PPP1R12B: variants seen among roughly 807,000 people sequenced by gnomAD.
PPP1R12B encodes the protein protein phosphatase 1 regulatory subunit 12B, also known as myosin phosphatase target subunit 2.
In PPP1R12B, 76 loss-of-function variants were observed where a neutral mutation model predicts 126.1. The ratio of observed to expected loss-of-function variants is 0.60; its 90% CI spans 0.50 to 0.73. The LOEUF (loss-of-function observed/expected upper bound fraction) is 0.73, where lower values mean the gene tolerates loss of function less well. Ranked by LOEUF, PPP1R12B falls within the 30% of genes least tolerant of loss-of-function variation. The pLI, the probability that PPP1R12B is intolerant of heterozygous loss-of-function variation, is 0.00. For synonymous variants in PPP1R12B, 356 were observed against 434.7 expected, an observed-to-expected ratio of 0.82 and a Z score of 2.25; for missense variants, 1,052 against 1,205.1, an observed-to-expected ratio of 0.87 and a Z score of 1.88.
chr1:202,584,589 G>A lies in PPP1R12B; in HGVS notation c.*4029G>A, dbSNP rs1689712296. The A allele has an allele frequency of 6.6e-6, 1 of 152,256 alleles. No individual in the cohort carries two copies. Among genetic ancestry groups the A allele is most frequent in the East Asian group, 1.9e-4 (1 of 5,202 alleles). The allele number at this position is 152,256 out of a possible 1,614,324, so 9.4% of individuals were successfully genotyped here. A position where few individuals can be genotyped will look rare whatever the true frequency, so the allele number is the denominator to read the frequency against. On this transcript the variant is annotated 3_prime_UTR_variant, in exon 24 of 24. Coordinates refer to ENST00000608999, the MANE Select transcript of PPP1R12B (RefSeq NM_002481.4). ...CCTCTCCTAGCCACAGACAGACACT[G>A]TCTCCTCTCAGAGAAAGGCCAGTGT... is the stretch of plus-strand genomic sequence containing the variant.
At position 202,434,640 on chromosome 1, in the gene PPP1R12B, T is replaced by C. The variant is rs1417756059; in HGVS notation, c.1142-16T>C. 1.2e-6 allele frequency: 2 copies of C among 1,601,154 alleles called. No individual in the cohort carries two copies. The highest frequency in any genetic ancestry group is 1.7e-6 in the Non-Finnish European group (2 of 1,177,116). ...TTTATACTAGTACTTGTTAATTCTC[T>C]TGTCTTAAATAACAGATAAAAAGCC... On this transcript the variant is annotated splice_polypyrimidine_tract_variant and intron_variant, in intron 8 of 23. Coordinates refer to ENST00000608999, the MANE Select transcript of PPP1R12B (RefSeq NM_002481.4).
At chr1:202,487,462 G>A (rs967961641) in intron 13 of PPP1R12B, among the ~76,000 whole-genome samples, 3 of 152,076 alleles carry the variant, frequency 2.0e-5, no homozygotes, top group Non-Finnish European at 2.9e-5. Flanking sequence ...CCTAGCCAAA[G>A]CATTAAGTCA....
intron 4 of PPP1R12B, 100 bp from the exon 5 acceptor site, chr1:202,426,940 T>C (rs891497821): frequency 4.7e-6 from 7 of 1,493,926 alleles, no homozygotes; most frequent in Non-Finnish European, 6.2e-6. Flanking sequence ...ACCCCTGTGG[T>C]TCAGGGCCAA....
intron 10 of PPP1R12B, chr1:202,438,444 C>T (rs1671131087): frequency 9.1e-6 from 4 of 441,682 alleles, no homozygotes; most frequent in Non-Finnish European, 1.7e-5. Flanking sequence ...CGCCTCCTGC[C>T]AGGGTCCCAC....
intron 18 of PPP1R12B, chr1:202,502,308 C>G: frequency 1.0e-6 from 1 of 985,116 alleles, no homozygotes; most frequent in African/African-American, 1.7e-5. Context: ...TGGTAAAAGT[C>G]TTCTAAAAGA....
rs116397828 is a variant in PPP1R12B at position 202,444,410 on chromosome 1, G to T, written c.1667+1838G>T. Among the ~76,000 whole-genome samples the T allele has an allele frequency of 6.6e-3, 1,011 of 152,222 alleles. 10 individuals carry two copies. The highest frequency in any genetic ancestry group is 0.023 in the African/African-American group (970 of 41,528). On this transcript the variant is annotated intron_variant, in intron 12 of 23. Transcript: ENST00000608999. ...TCTTCAATCAAAACAAATACAAGTT[G>T]CCCTTTATTGCTCATACAGTATTAC...
chr1:202,361,939 CT>C (rs1223479800), intron 1 of PPP1R12B, among the ~76,000 whole-genome samples: 1 of 152,012 alleles, frequency 6.6e-6, no homozygotes, highest in Non-Finnish European at 1.5e-5. Context: ...GATTGGCTGG[CT>C]TTTGTTGTGC....
Position 202,522,044 on chromosome 1 carries a change from A to G in PPP1R12B, c.2490+25222A>G, listed in dbSNP as rs528521248. ...AGTAGATACCAGAAAACTGACTAGT[A>G]TCTTCAAAGTGCTGTAGAAAAATAA... is the stretch of plus-strand genomic sequence containing the variant. On this transcript the variant is annotated intron_variant, in intron 18 of 23. Transcript: ENST00000608999. Among the ~76,000 whole-genome samples, 473 of 152,348 alleles carry G rather than the reference A, an allele frequency of 3.1e-3. 4 individuals are homozygous for G. The highest frequency in any genetic ancestry group is 0.011 in the African/African-American group (453 of 41,594).
At position 202,491,185 on chromosome 1, in the gene PPP1R12B, T is replaced by G. The variant is rs571215307; in HGVS notation, c.1942-1929T>G. Among the ~76,000 whole-genome samples the G allele has an allele frequency of 3.9e-5, 6 of 152,278 alleles. No homozygotes were observed. In the South Asian group the frequency reaches 1.2e-3, roughly 32 times the overall value. ...TGTCACGCAGGCCGGGGTGCAATGG[T>G]GTGATCTTGGCTCACTGCAACTTCT... On this transcript the variant is annotated intron_variant, in intron 14 of 23. Coordinates refer to ENST00000608999, the MANE Select transcript of PPP1R12B (RefSeq NM_002481.4).
At chr1:202,567,651 C>A in intron 21 of PPP1R12B, 127 bp from the exon 22 acceptor site, 2 of 921,522 alleles carry the variant, frequency 2.2e-6, no homozygotes, top group Non-Finnish European at 3.4e-6. Context: ...GGGATCCCTG[C>A]TATAGGGGAA....
intron 19 of PPP1R12B, 23 bp from the exon 20 acceptor site, chr1:202,562,755 A>G: frequency 1.2e-6 from 2 of 1,606,080 alleles, no homozygotes. Flanking sequence ...ACCAATTTTT[A>G]TCTTTAATAT....
chr1:202,360,535 C>G (rs1055144680), intron 1 of PPP1R12B, among the ~76,000 whole-genome samples: 1 of 151,826 alleles, frequency 6.6e-6, no homozygotes, highest in Non-Finnish European at 1.5e-5. Context: ...ATGGTGAAAC[C>G]CTGTTTCTAC....
At chr1:202,489,741 G>A (rs1439921135) in intron 14 of PPP1R12B, among the ~76,000 whole-genome samples, 3 of 152,154 alleles carry the variant, frequency 2.0e-5, no homozygotes, top group Admixed American at 6.5e-5. Context: ...TTGGGGTGAT[G>A]AAAATTATGA....
At chr1:202,423,893 C>T (rs1313269031) in intron 3 of PPP1R12B, among the ~76,000 whole-genome samples, 1 of 152,074 alleles carries the variant, frequency 6.6e-6, no homozygotes, top group East Asian at 1.9e-4. Context: ...CCATGTTGGC[C>T]AGGCTGTTCT....
Position 202,468,177 on chromosome 1 carries a change from C to G in PPP1R12B, c.1850+19006C>G, listed in dbSNP as rs528697116. On this transcript the variant is annotated intron_variant, in intron 13 of 23. Coordinates refer to ENST00000608999, the MANE Select transcript of PPP1R12B (RefSeq NM_002481.4). ...ACTTTTCTCCCATTTTGTAGGTTGC[C>G]TGTTCACTCTGATGGTAGTTTCTTT... Among the ~76,000 whole-genome samples, 15 of 152,220 alleles carry G rather than the reference C, an allele frequency of 9.9e-5. No individual in the cohort carries two copies. The East Asian group carries it at 2.7e-3, about 27-fold the overall frequency.
chr1:202,431,598 T>G lies in PPP1R12B; in HGVS notation c.1120T>G (p.Ser374Ala). 2.5e-6 allele frequency: 4 copies of G among 1,609,080 alleles called. No individual in the cohort carries two copies. Among genetic ancestry groups the G allele is most frequent in the Non-Finnish European group, 3.4e-6 (4 of 1,178,476 alleles). ...GGAAGGTGAAGATGAAGCTTCTGAG[T>G]CAGAAACTGAGAAGGAGGCAGGTAA... ...EEEGEDEASE[S>A]ETEKEADKKP... Residue 374 changes from serine (S) to alanine (A), a missense_variant, in exon 8 of 24, where the codon TCA becomes GCA. Physicochemically the swap from Ser to Ala is moderately conservative, Grantham distance 99. Coordinates refer to ENST00000608999, the MANE Select transcript of PPP1R12B (RefSeq NM_002481.4).
rs1373170937 is a variant in PPP1R12B, at chr1:202,513,375, A to G, written c.2490+16553A>G. ...ATGATATTCATTTTTTATTATGATG[A>G]CTGCATAGATAATATGCCATTAATA... is the stretch of plus-strand genomic sequence containing the variant. On this transcript the variant is annotated intron_variant, in intron 18 of 23. Transcript: ENST00000608999. Among the ~76,000 whole-genome samples, 8 of 152,334 alleles carry G rather than the reference A, an allele frequency of 5.3e-5. No individual in the cohort carries two copies. In the East Asian group the frequency reaches 1.5e-3, roughly 29 times the overall value.
chr1:202,533,032 G>T (rs2148943686), intron 18 of PPP1R12B, among the ~76,000 whole-genome samples: 1 of 151,704 alleles, frequency 6.6e-6, no homozygotes, highest in Middle Eastern at 3.4e-3. Flanking sequence ...ACCACACCCG[G>T]CTAATTTTGT....
In PPP1R12B at chr1:202,437,912, A is replaced by G; in HGVS notation, c.1346A>G (p.Asn449Ser). 6.2e-7 allele frequency: 1 copy of G among 1,613,834 alleles called. No homozygotes were observed. The highest frequency in any genetic ancestry group is 1.1e-5 in the South Asian group (1 of 91,082). The change falls in exon 10 of 24, where the codon AAC becomes AGC. Residue 449 changes from asparagine to serine, a missense_variant. Coordinates refer to ENST00000608999, the MANE Select transcript of PPP1R12B (RefSeq NM_002481.4). The part of the protein sequence containing the change: ...RLGLRKTGSH[N>S]MLSEVANSRE... ...GGACTGAGAAAAACTGGCAGCCACA[A>G]CATGCTGAGTGAGGTGGCCAATTCC... is the stretch of plus-strand genomic sequence containing the variant.
Sources: gnomAD v4.1 joint callset for allele counts (sites outside exome capture counted in the v4.1 genomes callset) on GRCh38, gnomAD v4.1.1 for gene constraint, MANE v1.5 for transcripts, NCBI Gene and HGNC (gene_info 2026-07-23, HGNC 2026-07-21) for gene names.